DRAM2: variants seen among roughly 807,000 people sequenced by gnomAD.
DRAM2 encodes DNA damage-regulated autophagy modulator protein 2.
DRAM2 carries 26 observed loss-of-function variants against 33.5 expected under a neutral mutation model. That is an observed-to-expected ratio of 0.78 (90% CI 0.57 to 1.08). The LOEUF is 1.08. DRAM2 is among the 50% of genes least tolerant of loss of function. The pLI is 0.00. For missense variants in DRAM2, 311 were observed against 318.1 expected, an observed-to-expected ratio of 0.98 and a Z score of 0.17; for synonymous variants, 98 against 109.5, an observed-to-expected ratio of 0.89 and a Z score of 0.66.
At chr1:111,135,362 A>G (rs2101117417) in intron 3 of DRAM2, among the ~76,000 whole-genome samples, 1 of 152,238 alleles carries the variant, frequency 6.6e-6, no homozygotes, top group South Asian at 2.1e-4. Context: ...CCTGTCCCTG[A>G]TTGTGCTCTA....
intron 3 of DRAM2, 90 bp from the exon 4 acceptor site, chr1:111,131,658 C>T: frequency 7.9e-7 from 1 of 1,263,026 alleles, no homozygotes; most frequent in Non-Finnish European, 1.1e-6. Context: ...TTGTACTTAC[C>T]ACCCCAAGCT....
chr1:111,132,028 T>C (rs777585748), intron 3 of DRAM2, among the ~76,000 whole-genome samples: 3 of 152,200 alleles, frequency 2.0e-5, no homozygotes, highest in Non-Finnish European at 2.9e-5. Context: ...AGGAGTGTCT[T>C]TTATATGCTA....
At chr1:111,123,262 A>G (rs1016305876) in intron 6 of DRAM2, among the ~76,000 whole-genome samples, 3 of 152,136 alleles carry the variant, frequency 2.0e-5, no homozygotes, top group Admixed American at 2.0e-4. Context: ...CAGCAAAACT[A>G]AATTTTCTCC....
chr1:111,131,343 T>C lies in DRAM2; in HGVS notation c.131+81A>G, dbSNP rs867350439. The C allele has an allele frequency of 7.9e-6, 11 of 1,400,696 alleles. 1 individual carries two copies. Among genetic ancestry groups the C allele is most frequent in the South Asian group, 7.2e-5 (5 of 69,338 alleles). 86.8% of individuals were successfully genotyped at this position (1,400,696 alleles called of 1,614,324 possible). ...AATGTAAAATCTGATTTTTAAAAGG[T>C]TGACATTAAATGTTGACTTCAATGT... On this transcript the variant is annotated intron_variant, in intron 4 of 9. Transcript: ENST00000484310.
At chr1:111,127,137 A>G (rs944103650) in intron 4 of DRAM2, among the ~76,000 whole-genome samples, 2 of 152,194 alleles carry the variant, frequency 1.3e-5, no homozygotes, top group African/African-American at 2.4e-5. Flanking sequence ...GATGAAATGT[A>G]ATGGTAATGC....
intron 8 of DRAM2, 159 bp downstream of exon 8, chr1:111,119,718 C>T: frequency 1.6e-6 from 1 of 618,858 alleles, no homozygotes; most frequent in Non-Finnish European, 2.8e-6. Flanking sequence ...ATGGAAGGTT[C>T]TACATAAACC....
chr1:111,121,435 A>G lies in DRAM2; in HGVS notation c.340-742T>C, dbSNP rs576286921. Among the ~76,000 whole-genome samples, 11 of 152,190 alleles carry G rather than the reference A, an allele frequency of 7.2e-5. No individual in the cohort carries two copies. The South Asian group carries it at 1.9e-3, about 26-fold the overall frequency. ...CTGGCCTCCCGAACTTTGACAGAAT[A>G]AATTTCTATTCAGTCACCCAGTTTG... On this transcript the variant is annotated intron_variant, in intron 6 of 9. Coordinates refer to ENST00000484310, the MANE Select transcript of DRAM2 (RefSeq NM_001349884.2).
rs34818354 is a variant in DRAM2, at chr1:111,118,909, GA to G, written c.601-13del. On this transcript the variant is annotated splice_polypyrimidine_tract_variant and intron_variant, in intron 8 of 9. Transcript: ENST00000484310. ...TGAAGCACATAACCCTGAGTGATGGGAAAAAAAGAATAGTTTTGTGAAATTT... is the reference window on the plus strand; with the variant it reads ...TGAAGCACATAACCCTGAGTGATGGGAAAAAAGAATAGTTTTGTGAAATTT... 3 of 1,562,008 alleles carry G rather than the reference GA, an allele frequency of 1.9e-6. No individual in the cohort carries two copies. The highest frequency in any genetic ancestry group is 1.8e-5 in the Admixed American group (1 of 54,478).
intron 4 of DRAM2, chr1:111,127,881 TC>T (rs1651325588): frequency 6.6e-6 from 1 of 152,198 alleles, no homozygotes; most frequent in East Asian, 1.9e-4. Context: ...TCATCTAACA[TC>T]AAAATATATG....
At chr1:111,139,886 A>G (rs1654203369) in intron 1 of DRAM2, 152 bp downstream of exon 1, 1 of 149,640 alleles carries the variant, frequency 6.7e-6, no homozygotes, top group Non-Finnish European at 1.5e-5. Context: ...AATGAGGGCC[A>G]GCAGGAGTCT....
intron 6 of DRAM2, among the ~76,000 whole-genome samples, chr1:111,122,385 A>G (rs1650219033): frequency 6.6e-6 from 1 of 152,078 alleles, no homozygotes; most frequent in Non-Finnish European, 1.5e-5. Context: ...TAAGGAGGGA[A>G]GTAAAGACAG....
At chr1:111,123,562 T>A (rs1650428737) in intron 6 of DRAM2, among the ~76,000 whole-genome samples, 1 of 152,182 alleles carries the variant, frequency 6.6e-6, no homozygotes, top group African/African-American at 2.4e-5. Flanking sequence ...CCTCAAGTGA[T>A]GTCTAATCAC....
chr1:111,137,885 A>G (rs752209260), intron 2 of DRAM2, among the ~76,000 whole-genome samples: 1 of 152,228 alleles, frequency 6.6e-6, no homozygotes, highest in Non-Finnish European at 1.5e-5. Flanking sequence ...TCTCCTATAG[A>G]GAGACATGAG....
Position 111,139,500 on chromosome 1 carries a change from C to T in DRAM2, c.-79+1G>A, listed in dbSNP as rs1024632132. On this transcript the variant is annotated splice_donor_variant, in intron 2 of 9. Coordinates refer to ENST00000484310, the MANE Select transcript of DRAM2 (RefSeq NM_001349884.2). LOFTEE classifies it low-confidence loss of function (5UTR_SPLICE). ...CCAAAGTATCTGAACCCAGAACTCA[C>T]AACAGGAACGTGTACTCAACAGGAA... 3 of 152,256 alleles carry T rather than the reference C, an allele frequency of 2.0e-5. No homozygotes were observed. Among genetic ancestry groups the T allele is most frequent in the African/African-American group, 7.2e-5 (3 of 41,438 alleles). 9.4% of individuals were successfully genotyped at this position (152,256 alleles called of 1,614,324 possible). A position where few individuals can be genotyped will look rare whatever the true frequency, so the allele number is the denominator to read the frequency against.
In DRAM2 at chr1:111,117,901, A is replaced by C; in HGVS notation, c.*259T>G. The C allele has an allele frequency of 2.2e-6, 1 of 444,636 alleles. No individual in the cohort carries two copies. The highest frequency in any genetic ancestry group is 4.1e-6 in the Non-Finnish European group (1 of 246,774). 27.5% of individuals were successfully genotyped at this position (444,636 alleles called of 1,614,324 possible). On this transcript the variant is annotated 3_prime_UTR_variant, in exon 10 of 10. Transcript: ENST00000484310. ...TCTCTTAAATAAGGTATAAAAAACT[A>C]TGATATCATAGTCTTTTGACTTTAT...
At chr1:111,136,588 A>G (rs945475028) in intron 3 of DRAM2, among the ~76,000 whole-genome samples, 1 of 151,778 alleles carries the variant, frequency 6.6e-6, no homozygotes, top group Non-Finnish European at 1.5e-5. Context: ...CCATCTCAAA[A>G]ACAAAAAAAC....
Position 111,118,132 on chromosome 1 carries a change from A to G in DRAM2, c.*28T>C. 1 of 1,598,010 alleles carries G rather than the reference A, an allele frequency of 6.3e-7. No individual in the cohort carries two copies. Among genetic ancestry groups the G allele is most frequent in the Non-Finnish European group, 8.6e-7 (1 of 1,165,746 alleles). On this transcript the variant is annotated 3_prime_UTR_variant, in exon 10 of 10. Transcript: ENST00000484310. ...CTTTCCCCAATCCCTGAGAATCATAATCATTACAGAAATATTTTATCCTTT... is the reference window on the plus strand; with the variant it reads ...CTTTCCCCAATCCCTGAGAATCATAGTCATTACAGAAATATTTTATCCTTT...
At chr1:111,133,457 C>T (rs933810124) in intron 3 of DRAM2, among the ~76,000 whole-genome samples, 2 of 152,172 alleles carry the variant, frequency 1.3e-5, no homozygotes, top group African/African-American at 2.4e-5. Flanking sequence ...GGATTATAGG[C>T]GTGAGCTACC....
chr1:111,124,230 G>A (rs1254306758), intron 6 of DRAM2, among the ~76,000 whole-genome samples: 1 of 152,108 alleles, frequency 6.6e-6, no homozygotes, highest in Admixed American at 6.5e-5. Flanking sequence ...TTAACATTAA[G>A]TATTTGACAT....
Sources: gnomAD v4.1 joint callset for allele counts (sites outside exome capture counted in the v4.1 genomes callset) on GRCh38, gnomAD v4.1.1 for gene constraint, MANE v1.5 for transcripts, NCBI Gene and HGNC (gene_info 2026-07-23, HGNC 2026-07-21) for gene names.